TTLL8: variants seen among roughly 807,000 people sequenced by gnomAD.
The protein encoded by TTLL8 is protein monoglycylase TTLL8.
In TTLL8, 65 loss-of-function variants were observed where a neutral mutation model predicts 77.8. The observed-to-expected ratio is 0.84, with a 90% CI of 0.68 to 1.03. TTLL8 has a LOEUF of 1.03. Among genes scored for constraint, TTLL8 ranks in the 50% least tolerant of loss-of-function variants. TTLL8 has a pLI of 0.00. For missense variants in TTLL8, 910 were observed against 1,004.5 expected, an observed-to-expected ratio of 0.91 and a Z score of 1.27; for synonymous variants, 402 against 422.8, an observed-to-expected ratio of 0.95 and a Z score of 0.60.
At chr22:50,025,279 C>G (rs2061224855) in intron 12 of TTLL8, among the ~76,000 whole-genome samples, 1 of 77,440 alleles carries the variant, frequency 1.3e-5, no homozygotes, top group Non-Finnish European at 3.1e-5. Context: ...AGCAAAAACT[C>G]CAAAAAAAAA....
Position 50,034,963 on chromosome 22 carries a change from C to A in TTLL8, c.922-501G>T, listed in dbSNP as rs1348466402. Among the ~76,000 whole-genome samples, 1 of 152,226 alleles carries A rather than the reference C, an allele frequency of 6.6e-6. No individual in the cohort carries two copies. Among genetic ancestry groups the A allele is most frequent in the Non-Finnish European group, 1.5e-5 (1 of 68,038 alleles). Reference sequence around the variant, plus strand: ...TCCCGGCCAGCTGCCAGCACCACATCCTGGGAGCTCAGCATCATTCTGACT... The same window carrying A: ...TCCCGGCCAGCTGCCAGCACCACATACTGGGAGCTCAGCATCATTCTGACT... On this transcript the variant is annotated intron_variant, in intron 8 of 13. Transcript: ENST00000266182. The surrounding 1 kb of genome is among the most constrained non-coding windows in gnomAD (Gnocchi z 4.1).
upstream of TTLL8, among the ~76,000 whole-genome samples, chr22:50,057,796 A>C (rs1413659390): frequency 6.7e-6 from 1 of 149,856 alleles, no homozygotes; most frequent in Non-Finnish European, 1.5e-5. Context: ...TTGGGGGTGC[A>C]GGTCTAGGTT....
chr22:50,030,473 C>T lies in TTLL8; in HGVS notation c.2160G>A (p.Leu720=), dbSNP rs1477964001. The change falls in exon 12 of 14, where the codon CTG becomes CTA. Residue 720 remains leucine, a synonymous_variant. Transcript: ENST00000266182. ...GACGCAGCGCGCCCTCTGCTGTCTT[C>T]AGGCCCCGCAGCACAGGCTCCAGCG... 8 of 1,345,884 alleles carry T rather than the reference C, an allele frequency of 5.9e-6. No individual in the cohort carries two copies. In the Admixed American group the frequency reaches 8.0e-5, roughly 13 times the overall value. The allele number at this position is 1,345,884 out of a possible 1,614,324, so 83.4% of individuals were successfully genotyped here.
intron 12 of TTLL8, among the ~76,000 whole-genome samples, chr22:50,019,585 G>T (rs2061183424): frequency 6.6e-6 from 1 of 152,192 alleles, no homozygotes; most frequent in Admixed American, 6.5e-5. Context: ...CCTGTGGAAG[G>T]TCCACGTGGG....
At chr22:50,022,940 C>G (rs527856912) in intron 12 of TTLL8, among the ~76,000 whole-genome samples, 20 of 151,932 alleles carry the variant, frequency 1.3e-4, no homozygotes, top group Admixed American at 4.6e-4. Flanking sequence ...AGCAACAAAC[C>G]AGAACCAAGA....
Position 50,041,312 on chromosome 22 carries a change from G to T in TTLL8, c.831-35C>A, listed in dbSNP as rs775304999. 3.9e-6 allele frequency: 2 copies of T among 510,742 alleles called. No homozygotes were observed. 31.6% of individuals were successfully genotyped at this position (510,742 alleles called of 1,614,324 possible). A position where few individuals can be genotyped will look rare whatever the true frequency, so the allele number is the denominator to read the frequency against. ...TATCATCCTCTCAACAGTCATCAGG[G>T]TCCTGGTGGGACAGGCAACAGAGGG... On this transcript the variant is annotated intron_variant, in intron 7 of 13. Transcript: ENST00000266182. This position sits in a 1 kb window ranked among gnomAD's most constrained non-coding sequence, Gnocchi z 4.3.
upstream of TTLL8, among the ~76,000 whole-genome samples, chr22:50,057,679 TGGGGTCAGGTCTGGGTC>T (rs1754900175): frequency 2.4e-5 from 1 of 41,638 alleles, no homozygotes; most frequent in Non-Finnish European, 4.0e-5. Context: ...TCTGGGTTTT[TGGGGTCAGGTCTGGGTC>T]GGGGTCAGGT....
At chr22:50,049,108 A>G (rs1012859429) in intron 3 of TTLL8, 141 bp downstream of exon 5, 3 of 1,271,054 alleles carry the variant, frequency 2.4e-6, no homozygotes, top group Admixed American at 2.4e-5. Flanking sequence ...TGCCCGGTCA[A>G]GGGGCCCTGC....
chr22:50,049,983 T>C (rs969439317), intron 2 of TTLL8, 126 bp downstream of exon 4: 1 of 1,157,610 alleles, frequency 8.6e-7, no homozygotes. Context: ...AGACCTGGGG[T>C]CGGAGATACC....
intron 6 of TTLL8, 58 bp downstream of exon 8, chr22:50,045,197 C>A: frequency 7.6e-7 from 1 of 1,310,818 alleles, no homozygotes; most frequent in East Asian, 5.1e-5. Flanking sequence ...GCGGGAGGGC[C>A]CCTGTGGAGG....
chr22:50,040,809 C>T (rs560912839), intron 8 of TTLL8, among the ~76,000 whole-genome samples: 1 of 152,348 alleles, frequency 6.6e-6, no homozygotes, highest in East Asian at 1.9e-4. Flanking sequence ...ACTTGCCCAT[C>T]AGCCGGCACC....
intron 9 of TTLL8, 68 bp from the exon 11 acceptor site, chr22:50,033,513 C>T: frequency 7.7e-7 from 1 of 1,295,450 alleles, no homozygotes; most frequent in Non-Finnish European, 1.0e-6. Context: ...CTCCTGAGCC[C>T]TGGGGCAGGG....
chr22:50,050,478 C>A (rs1410648932), intron 1 of TTLL8, among the ~76,000 whole-genome samples: 2 of 151,358 alleles, frequency 1.3e-5, no homozygotes, highest in Non-Finnish European at 2.9e-5. Context: ...TCAAGCAATT[C>A]TCCTGCCTCA....
At position 50,044,632 on chromosome 22, in the gene TTLL8, A is replaced by G. The variant is rs539513091; in HGVS notation, c.643+623T>C. ...TACACTCTAAAAGTTTAATGCGCCA[A>G]TGTTCATCTGTCAACAGTCGAAGCG... is the stretch of plus-strand genomic sequence containing the variant. On this transcript the variant is annotated intron_variant, in intron 6 of 13. Coordinates refer to ENST00000266182, the Ensembl canonical transcript of TTLL8. The surrounding 1 kb of genome is among the most constrained non-coding windows in gnomAD (Gnocchi z 4.2). Among the ~76,000 whole-genome samples, 15 of 152,238 alleles carry G rather than the reference A, an allele frequency of 9.9e-5. No homozygotes were observed. The South Asian group carries it at 2.9e-3, about 29-fold the overall frequency.
chr22:50,044,190 G>C lies in TTLL8; in HGVS notation c.643+1065C>G, dbSNP rs1360045018. Among the ~76,000 whole-genome samples the C allele has an allele frequency of 6.6e-6, 1 of 152,016 alleles. No individual in the cohort carries two copies. Among genetic ancestry groups the C allele is most frequent in the African/African-American group, 2.4e-5 (1 of 41,376 alleles). On this transcript the variant is annotated intron_variant, in intron 6 of 13. Coordinates refer to ENST00000266182, the Ensembl canonical transcript of TTLL8. The surrounding 1 kb of genome is among the most constrained non-coding windows in gnomAD (Gnocchi z 4.2). ...AAATACAAAACATTAGCCGGGCGTGGTGGTGGGCACCCAACTACTCGGGAG... is the reference window on the plus strand; with the variant it reads ...AAATACAAAACATTAGCCGGGCGTGCTGGTGGGCACCCAACTACTCGGGAG...
In TTLL8 at chr22:50,034,532, T is replaced by G; in HGVS notation, c.922-70A>C. The G allele has an allele frequency of 7.6e-7, 1 of 1,308,806 alleles. No individual in the cohort carries two copies. 81.1% of individuals were successfully genotyped at this position (1,308,806 alleles called of 1,614,324 possible). On this transcript the variant is annotated intron_variant, in intron 8 of 13. Coordinates refer to ENST00000266182, the Ensembl canonical transcript of TTLL8. The surrounding 1 kb of genome is among the most constrained non-coding windows in gnomAD (Gnocchi z 4.1). ...TACAAAGCAAGATCCAGAAAGTGCA[T>G]GAGACTTGGAGGCCTGGGCCCCGCC...
At chr22:50,048,085 A>G (rs1239549203) in intron 3 of TTLL8, among the ~76,000 whole-genome samples, 1 of 151,512 alleles carries the variant, frequency 6.6e-6, no homozygotes, top group Non-Finnish European at 1.5e-5. Context: ...CAACAGAGTG[A>G]GACTCCATCT....
intron 2 of TTLL8, among the ~76,000 whole-genome samples, chr22:50,049,523 A>G (rs1386644301): frequency 6.6e-6 from 1 of 151,946 alleles, no homozygotes; most frequent in African/African-American, 2.4e-5. Flanking sequence ...CATACATCCA[A>G]TGAGCGTCCA....
chr22:50,030,667 C>T (rs373887970), exon 12 of TTLL8: 1 of 1,282,240 alleles, frequency 7.8e-7, no homozygotes, highest in Non-Finnish European at 1.0e-6. Context: ...TCGGCTGCCC[C>T]CCTTAAGGGT....
Sources: allele counts gnomAD v4.1 joint callset (sites outside exome capture counted in the v4.1 genomes callset), GRCh38; gene constraint gnomAD v4.1.1; non-coding constraint Gnocchi (gnomAD v3.1); transcripts MANE v1.5; gene names NCBI Gene and HGNC (gene_info 2026-07-23, HGNC 2026-07-21).